ATXN1: variants seen among roughly 807,000 people sequenced by gnomAD.
ATXN1 encodes the protein ataxin-1.
ATXN1 carries 8 observed loss-of-function variants against 56.4 expected under a neutral mutation model. That is an observed-to-expected ratio of 0.14 (90% CI 0.08 to 0.26). The LOEUF (loss-of-function observed/expected upper bound fraction) is 0.26, where lower values mean the gene tolerates loss of function less well. Ranked by LOEUF, ATXN1 falls within the 10% of genes least tolerant of loss-of-function variation. The pLI is 1.00. For missense variants in ATXN1, 987 were observed against 1,106.5 expected (o/e 0.89, Z 1.53); for synonymous variants, 514 against 494.6 (o/e 1.04, Z -0.52).
At chr6:16,471,298 A>G (rs987642112) in intron 6 of ATXN1, among the ~76,000 whole-genome samples, 3 of 152,150 alleles carry the variant, frequency 2.0e-5, no homozygotes, top group Non-Finnish European at 2.9e-5. Flanking sequence ...TCACAATGTA[A>G]GTTAATCACA....
At chr6:16,336,710 C>T (rs1761131886) in intron 6 of ATXN1, among the ~76,000 whole-genome samples, 1 of 152,204 alleles carries the variant, frequency 6.6e-6, no homozygotes, top group South Asian at 2.1e-4. Context: ...CAGCCAGCAG[C>T]ACACACCACA....
chr6:16,613,743 T>C (rs76773302), intron 3 of ATXN1, among the ~76,000 whole-genome samples: 1 of 152,064 alleles, frequency 6.6e-6, no homozygotes, highest in Non-Finnish European at 1.5e-5. Flanking sequence ...GCGGGAGGAT[T>C]GCTTGAGCCC....
At chr6:16,687,833 T>C (rs1373724328) in intron 2 of ATXN1, among the ~76,000 whole-genome samples, 1 of 152,124 alleles carries the variant, frequency 6.6e-6, no homozygotes, top group Non-Finnish European at 1.5e-5. Context: ...CTCATAGAGG[T>C]CACCAAAGCT....
At chr6:16,471,968 C>T (rs1013654748) in intron 6 of ATXN1, among the ~76,000 whole-genome samples, 2 of 152,134 alleles carry the variant, frequency 1.3e-5, no homozygotes, top group Non-Finnish European at 2.9e-5. Context: ...TCAGACTTGA[C>T]TGTATTATTA....
chr6:16,659,490 T>C (rs1444238708), intron 2 of ATXN1, among the ~76,000 whole-genome samples: 2 of 152,376 alleles, frequency 1.3e-5, no homozygotes, highest in African/African-American at 4.8e-5. Context: ...TTCTCTTATT[T>C]GTTACCAACT....
chr6:16,612,629 C>T (rs930858276), intron 3 of ATXN1, among the ~76,000 whole-genome samples: 1 of 152,160 alleles, frequency 6.6e-6, no homozygotes, highest in African/African-American at 2.4e-5. Flanking sequence ...CGGTGGCTCA[C>T]ACCTTTGTAA....
At chr6:16,686,500 A>ACT (rs1758921844) in intron 2 of ATXN1, among the ~76,000 whole-genome samples, 1 of 29,504 alleles carries the variant, frequency 3.4e-5, no homozygotes, top group South Asian at 6.5e-4. Flanking sequence ...AAGGCATGCA[A>ACT]CACATTATGC....
chr6:16,339,900 A>G (rs781526626), intron 6 of ATXN1, among the ~76,000 whole-genome samples: 3 of 152,128 alleles, frequency 2.0e-5, no homozygotes, highest in Non-Finnish European at 2.9e-5. Flanking sequence ...CTCCTGCCTC[A>G]GCCTTCCAAG....
intron 6 of ATXN1, among the ~76,000 whole-genome samples, chr6:16,339,490 G>A (rs1445449663): frequency 6.6e-6 from 1 of 152,120 alleles, no homozygotes; most frequent in Non-Finnish European, 1.5e-5. Context: ...ACAATTCAAT[G>A]CTCTCAACTG....
intron 3 of ATXN1, among the ~76,000 whole-genome samples, chr6:16,600,589 G>T (rs1489123478): frequency 6.6e-6 from 1 of 152,246 alleles, no homozygotes; most frequent in Non-Finnish European, 1.5e-5. Flanking sequence ...TTCTTCTAAG[G>T]TTCAAGATTC....
chr6:16,377,004 C>T (rs569791421), intron 6 of ATXN1, among the ~76,000 whole-genome samples: 18 of 152,288 alleles, frequency 1.2e-4, no homozygotes, highest in Admixed American at 7.8e-4. Flanking sequence ...TTCATTCACA[C>T]GAGCACTTCC....
chr6:16,567,005 A>T (rs1762243404), intron 4 of ATXN1, among the ~76,000 whole-genome samples: 1 of 152,226 alleles, frequency 6.6e-6, no homozygotes, highest in Non-Finnish European at 1.5e-5. Context: ...GAGCATATTT[A>T]ATTATAATGC....
intron 2 of ATXN1, among the ~76,000 whole-genome samples, chr6:16,696,351 G>A (rs1759165424): frequency 6.6e-6 from 1 of 152,170 alleles, no homozygotes; most frequent in Non-Finnish European, 1.5e-5. Context: ...TGAGGCATCA[G>A]GACGCTACTA....
At chr6:16,631,596 A>T (rs1327461182) in intron 3 of ATXN1, among the ~76,000 whole-genome samples, 5 of 152,184 alleles carry the variant, frequency 3.3e-5, no homozygotes, top group Admixed American at 6.5e-5. Context: ...AGTCTCCAGG[A>T]TACCTGTCTT....
chr6:16,522,557 G>C (rs1215486361), intron 5 of ATXN1, 70 bp downstream of exon 5: 5 of 152,194 alleles, frequency 3.3e-5, no homozygotes, highest in East Asian at 1.9e-4. Flanking sequence ...CTTTTTCTTG[G>C]TGCATCATAG....
intron 6 of ATXN1, among the ~76,000 whole-genome samples, chr6:16,472,534 A>G (rs564241138): frequency 6.6e-6 from 1 of 152,346 alleles, no homozygotes; most frequent in East Asian, 1.9e-4. Flanking sequence ...AAAACATGCC[A>G]TGTTTTCATT....
At chr6:16,488,444 C>T (rs1025236116) in intron 5 of ATXN1, among the ~76,000 whole-genome samples, 2 of 152,148 alleles carry the variant, frequency 1.3e-5, no homozygotes, top group African/African-American at 2.4e-5. Context: ...AACAGTGTTC[C>T]GTCAACCTTC....
chr6:16,652,545 C>T (rs1758087123), intron 3 of ATXN1, among the ~76,000 whole-genome samples: 1 of 152,316 alleles, frequency 6.6e-6, no homozygotes, highest in Non-Finnish European at 1.5e-5. Context: ...AAATCCTGTA[C>T]TCTATAATTT....
At chr6:16,433,749 C>T (rs1469050380) in intron 6 of ATXN1, among the ~76,000 whole-genome samples, 1 of 152,152 alleles carries the variant, frequency 6.6e-6, no homozygotes, top group East Asian at 1.9e-4. Context: ...AAGAAAAGTG[C>T]TCAAAGGAAG....
Sources: gnomAD v4.1 joint callset for allele counts (sites outside exome capture counted in the v4.1 genomes callset) on GRCh38, gnomAD v4.1.1 for gene constraint, MANE v1.5 for transcripts, NCBI Gene and HGNC (gene_info 2026-07-23, HGNC 2026-07-21) for gene names.